IL1RAPL2: variants seen among roughly 807,000 people sequenced by gnomAD.
IL1RAPL2 encodes the protein X-linked interleukin-1 receptor accessory protein-like 2.
IL1RAPL2 carries 3 observed loss-of-function variants against 44.1 expected under a neutral mutation model. The ratio of observed to expected loss-of-function variants is 0.07; its 90% CI spans 0.03 to 0.18. IL1RAPL2 has a LOEUF of 0.18. IL1RAPL2 is among the 10% of genes least tolerant of loss of function. The probability of loss-of-function intolerance (pLI) is 1.00; values close to 1 mark genes in which losing one functional copy is unlikely to be tolerated. For synonymous variants in IL1RAPL2, 181 were observed against 178.8 expected, an observed-to-expected ratio of 1.01 and a Z score of -0.10; for missense variants, 391 against 496.4, an observed-to-expected ratio of 0.79 and a Z score of 2.02.
At chrX:104,598,398 C>T (rs569493966) in intron 1 of IL1RAPL2, among the ~76,000 whole-genome samples, 71 of 112,131 alleles carry the variant, frequency 6.3e-4, no homozygotes, top group Middle Eastern at 4.6e-3. Context: ...CAAAGGGAAC[C>T]GGCTAGTCGC....
chrX:105,401,043 A>G (rs576569327), intron 5 of IL1RAPL2, among the ~76,000 whole-genome samples: 1 of 111,656 alleles, frequency 9.0e-6, no homozygotes, highest in Non-Finnish European at 1.9e-5. Context: ...TAATATTCAC[A>G]TGGCAGAAGG....
At chrX:104,627,226 G>T (rs1162838735) in intron 1 of IL1RAPL2, among the ~76,000 whole-genome samples, 1 of 106,657 alleles carries the variant, frequency 9.4e-6, no homozygotes, top group South Asian at 4.4e-4. Flanking sequence ...TCCCACCTAT[G>T]AGTAAGAACA....
chrX:105,236,111 T>C (rs782598378), intron 4 of IL1RAPL2, among the ~76,000 whole-genome samples: 2 of 112,495 alleles, frequency 1.8e-5, no homozygotes, highest in Non-Finnish European at 3.7e-5. Flanking sequence ...GAAGGTGACC[T>C]GCCCAAAGAG....
chrX:105,186,681 T>C (rs1360158669), intron 2 of IL1RAPL2, among the ~76,000 whole-genome samples: 1 of 111,733 alleles, frequency 8.9e-6, no homozygotes, highest in Non-Finnish European at 1.9e-5. Flanking sequence ...ATTATTTTGT[T>C]ATTCCTGTTT....
rs1389254580 is a variant in IL1RAPL2 at position 105,438,983 on chromosome X, G to T, written c.698-45330G>T. ...CCCACGCTGTTTTAGTGGTAGTGAG[G>T]GAGTTCTCACAATATTGATGGCTTA... On this transcript the variant is annotated intron_variant, in intron 5 of 10. Coordinates refer to ENST00000372582, the MANE Select transcript of IL1RAPL2 (RefSeq NM_017416.2). Among the ~76,000 whole-genome samples the T allele has an allele frequency of 2.7e-5, 3 of 110,306 alleles. No homozygotes were observed. In the East Asian group the frequency reaches 8.7e-4, roughly 32 times the overall value.
rs138716176 is a variant in IL1RAPL2 at position 104,877,474 on chromosome X, C to T, written c.82+218479C>T. On this transcript the variant is annotated intron_variant, in intron 2 of 10. Transcript: ENST00000372582. ...GCCAGCATCATCCTGATACCAAAGC[C>T]GGGCAGAGACACAATCAAAAAAGAG... is the stretch of plus-strand genomic sequence containing the variant. 1.4e-4 allele frequency among the ~76,000 whole-genome samples: 16 copies of T among 112,342 alleles called. No homozygotes were observed. In the South Asian group the frequency reaches 5.5e-3, roughly 39 times the overall value.
At chrX:104,719,903 C>T (rs756507639) in intron 2 of IL1RAPL2, among the ~76,000 whole-genome samples, 17 of 111,232 alleles carry the variant, frequency 1.5e-4, no homozygotes, top group Non-Finnish European at 3.2e-4. Context: ...AGATTTCTTG[C>T]TGGGAGTGAT....
At chrX:105,320,769 T>C (rs1051180447) in intron 5 of IL1RAPL2, among the ~76,000 whole-genome samples, 3 of 111,411 alleles carry the variant, frequency 2.7e-5, no homozygotes, top group African/African-American at 9.8e-5. Context: ...TATGAGTGTA[T>C]AAGCCTGTGA....
At chrX:104,644,111 A>G (rs1046036439) in intron 1 of IL1RAPL2, among the ~76,000 whole-genome samples, 1 of 111,507 alleles carries the variant, frequency 9.0e-6, no homozygotes, top group Non-Finnish European at 1.9e-5. Context: ...TTATTGTTAT[A>G]CTTTAAGTTT....
Position 105,195,043 on chromosome X carries a change from A to G in IL1RAPL2, c.83-432A>G, listed in dbSNP as rs868933189. On this transcript the variant is annotated intron_variant, in intron 2 of 10. Transcript: ENST00000372582. ...TATTTGTTTTGTGGGGCTCCTGTCTATATAAACAATTCGAGTCACCTAAAA... is the reference window on the plus strand; with the variant it reads ...TATTTGTTTTGTGGGGCTCCTGTCTGTATAAACAATTCGAGTCACCTAAAA... 7.3e-5 allele frequency among the ~76,000 whole-genome samples: 8 copies of G among 110,341 alleles called. No homozygotes were observed. In the South Asian group the frequency reaches 1.2e-3, roughly 16 times the overall value.
intron 5 of IL1RAPL2, among the ~76,000 whole-genome samples, chrX:105,359,547 G>A (rs1162748360): frequency 1.8e-5 from 2 of 110,878 alleles, no homozygotes; most frequent in East Asian, 2.8e-4. Context: ...CATGAAAACA[G>A]TATTAGAGCT....
chrX:104,709,202 T>C (rs913693085), intron 2 of IL1RAPL2, among the ~76,000 whole-genome samples: 1 of 109,497 alleles, frequency 9.1e-6, no homozygotes, highest in African/African-American at 3.3e-5. Flanking sequence ...TTTTTTTTTT[T>C]CCATAGTGGG....
chrX:104,715,430 A>C (rs907451843), intron 2 of IL1RAPL2, among the ~76,000 whole-genome samples: 1 of 107,204 alleles, frequency 9.3e-6, no homozygotes, highest in African/African-American at 3.4e-5. Flanking sequence ...AAAAAAAAAA[A>C]AAAACCAGAT....
intron 2 of IL1RAPL2, among the ~76,000 whole-genome samples, chrX:105,138,473 C>CAAAAAAAAAAAAAAAAAA (rs371757842): frequency 1.8e-5 from 1 of 54,455 alleles, no homozygotes; most frequent in Non-Finnish European, 3.4e-5. Context: ...ATATAATTAC[C>CAAAAAAAAAAAAAAAAAA]AAAAAAAAAA....
At chrX:104,675,244 A>G (rs1242432215) in intron 2 of IL1RAPL2, among the ~76,000 whole-genome samples, 5 of 111,107 alleles carry the variant, frequency 4.5e-5, no homozygotes, top group Non-Finnish European at 9.4e-5. Flanking sequence ...TTAGTGCTAT[A>G]AATTTCCCTC....
intron 5 of IL1RAPL2, among the ~76,000 whole-genome samples, chrX:105,308,384 G>A (rs1258985169): frequency 8.9e-6 from 1 of 112,041 alleles, no homozygotes; most frequent in African/African-American, 3.2e-5. Context: ...CCTTGAAATT[G>A]TTAAATCTTA....
At chrX:105,225,699 T>A (rs376825593) in intron 3 of IL1RAPL2, among the ~76,000 whole-genome samples, 22 of 63,850 alleles carry the variant, frequency 3.4e-4, no homozygotes, top group Admixed American at 1.8e-3. Context: ...ATTTTATTTT[T>A]TTTTCTGAGA....
intron 6 of IL1RAPL2, among the ~76,000 whole-genome samples, chrX:105,603,997 G>A (rs899940134): frequency 1.2e-4 from 13 of 109,733 alleles, no homozygotes; most frequent in African/African-American, 4.3e-4. Context: ...AAAACCTATG[G>A]GATATAGTGA....
intron 1 of IL1RAPL2, among the ~76,000 whole-genome samples, chrX:104,577,264 G>A (rs1047896360): frequency 3.6e-5 from 4 of 111,964 alleles, no homozygotes; most frequent in African/African-American, 1.3e-4. Context: ...TTGGAGCATT[G>A]GAGCTTGGGG....
Sources: gnomAD v4.1 joint callset for allele counts (sites outside exome capture counted in the v4.1 genomes callset) on GRCh38, gnomAD v4.1.1 for gene constraint, MANE v1.5 for transcripts, NCBI Gene and HGNC (gene_info 2026-07-23, HGNC 2026-07-21) for gene names.